ABLIM3: variants seen among roughly 807,000 people sequenced by gnomAD.
The protein encoded by ABLIM3 is actin binding LIM protein family member 3, also known as actin-binding LIM protein 3.
ABLIM3 carries 61 observed loss-of-function variants against 109.5 expected under a neutral mutation model. That is an observed-to-expected ratio of 0.56 (90% CI 0.45 to 0.69). The LOEUF (loss-of-function observed/expected upper bound fraction) is 0.69, where lower values mean the gene tolerates loss of function less well. ABLIM3 is among the 30% of genes least tolerant of loss of function. The pLI, the probability that ABLIM3 is intolerant of heterozygous loss-of-function variation, is 0.00. For missense variants in ABLIM3, 796 were observed against 889.5 expected (o/e 0.89, Z 1.34); for synonymous variants, 300 against 324.8 (o/e 0.92, Z 0.82).
intron 3 of ABLIM3, among the ~76,000 whole-genome samples, chr5:149,196,617 A>C (rs1326291799): frequency 1.3e-5 from 2 of 152,202 alleles, no homozygotes; most frequent in African/African-American, 4.8e-5. Flanking sequence ...GAACCAGGGG[A>C]GCTGGTGACA....
intron 2 of ABLIM3, among the ~76,000 whole-genome samples, chr5:149,172,669 C>A (rs1189226823): frequency 6.6e-6 from 1 of 152,198 alleles, no homozygotes; most frequent in African/African-American, 2.4e-5. Context: ...CTCCTTGGAA[C>A]TTTGACCTAT....
intron 23 of ABLIM3, among the ~76,000 whole-genome samples, chr5:149,253,182 C>T (rs1282168453): frequency 6.6e-6 from 1 of 152,204 alleles, no homozygotes; most frequent in Non-Finnish European, 1.5e-5. Context: ...GCCAATGCTT[C>T]TGCAGAATTG....
intron 8 of ABLIM3, among the ~76,000 whole-genome samples, chr5:149,226,635 AC>A (rs1761313104): frequency 6.6e-6 from 1 of 152,098 alleles, no homozygotes; most frequent in South Asian, 2.1e-4. Context: ...GTATCTAAAA[AC>A]CTTCAGACTC....
At chr5:149,173,882 C>T (rs909326244) in intron 2 of ABLIM3, among the ~76,000 whole-genome samples, 12 of 151,910 alleles carry the variant, frequency 7.9e-5, no homozygotes, top group Non-Finnish European at 1.3e-4. Context: ...ATTAGCCGGA[C>T]GTCGTGGCGG....
At chr5:149,214,287 C>CCATCTTGG (rs1351533024) in intron 7 of ABLIM3, among the ~76,000 whole-genome samples, 1 of 152,212 alleles carries the variant, frequency 6.6e-6, no homozygotes, top group Non-Finnish European at 1.5e-5. Context: ...GAATCCCCAG[C>CCATCTTGG]CATCTTGGCT....
In ABLIM3 at chr5:149,259,021, C is replaced by T. The variant is rs1754687593; in HGVS notation, c.*617C>T. 1 of 1,000,356 alleles carries T rather than the reference C, an allele frequency of 1.0e-6. No homozygotes were observed. 62.0% of individuals were successfully genotyped at this position (1,000,356 alleles called of 1,614,324 possible). A position where few individuals can be genotyped will look rare whatever the true frequency, so the allele number is the denominator to read the frequency against. The stretch of plus-strand genomic sequence containing the variant: ...CTCTCCTCAGCTCCTTAACCCTCCT[C>T]CTTCTGCCCTGGATTGTAACCTCTC... On this transcript the variant is annotated 3_prime_UTR_variant, in exon 24 of 24. Transcript: ENST00000309868.
chr5:149,200,198 C>T lies in ABLIM3; in HGVS notation c.336-118C>T, dbSNP rs1267275575. On this transcript the variant is annotated intron_variant, in intron 4 of 23. Coordinates refer to ENST00000309868, the MANE Select transcript of ABLIM3 (RefSeq NM_014945.5). The stretch of plus-strand genomic sequence containing the variant: ...TCACTGTGAACAGCATTTGAATTTG[C>T]GTGGTGCTCTAGAAGTCAAGCTGTA... The T allele has an allele frequency of 8.7e-6, 7 of 802,482 alleles. No homozygotes were observed. The African/African-American group carries it at 1.2e-4, about 14-fold the overall frequency. The allele number at this position is 802,482 out of a possible 1,614,324, so 49.7% of individuals were successfully genotyped here. A position where few individuals can be genotyped will look rare whatever the true frequency, so the allele number is the denominator to read the frequency against.
intron 3 of ABLIM3, among the ~76,000 whole-genome samples, chr5:149,192,618 C>T (rs1160099285): frequency 6.9e-6 from 1 of 144,136 alleles, no homozygotes; most frequent in Non-Finnish European, 1.5e-5. Context: ...GAGCGAGACT[C>T]CGTCTCAAAA....
Position 149,207,052 on chromosome 5 carries a change from C to T in ABLIM3, c.493C>T (p.Leu165=), listed in dbSNP as rs1218248747. ...GGAGATCAAGCACGGCCAGTCACTC[C>T]TGGCTCTGGACAAGCAGTGGCACGT... ...KEEIKHGQSL[L]ALDKQWHVSC... is the part of the protein sequence containing the mutation. Residue 165 remains leucine (L), a synonymous_variant, in exon 6 of 24, where the codon CTG becomes TTG. Transcript: ENST00000309868. 2 of 1,613,938 alleles carry T rather than the reference C, an allele frequency of 1.2e-6. No homozygotes were observed. Among genetic ancestry groups the T allele is most frequent in the Non-Finnish European group, 1.7e-6 (2 of 1,179,994 alleles).
chr5:149,217,214 G>T, intron 8 of ABLIM3, 168 bp downstream of exon 8: 1 of 657,556 alleles, frequency 1.5e-6, no homozygotes. Context: ...GATTGGGAAG[G>T]TTGCCGGTGT....
At chr5:149,210,314 C>T (rs954681615) in intron 6 of ABLIM3, among the ~76,000 whole-genome samples, 3 of 152,182 alleles carry the variant, frequency 2.0e-5, no homozygotes, top group African/African-American at 4.8e-5. Flanking sequence ...CTAAAGTGTG[C>T]TATGCTTAGG....
chr5:149,194,648 C>T (rs1221193792), intron 3 of ABLIM3, among the ~76,000 whole-genome samples: 6 of 152,164 alleles, frequency 3.9e-5, no homozygotes. Context: ...AATCTCAACA[C>T]ACAATACTCA....
intron 10 of ABLIM3, among the ~76,000 whole-genome samples, chr5:149,235,617 G>A (rs145809732): frequency 3.9e-4 from 60 of 152,336 alleles, no homozygotes; most frequent in Middle Eastern, 6.8e-3. Context: ...GTTATGGGTC[G>A]AGATGAGTTT....
chr5:149,174,420 C>T (rs549921793), intron 2 of ABLIM3: 3 of 152,284 alleles, frequency 2.0e-5, no homozygotes, highest in East Asian at 1.9e-4. Flanking sequence ...TGATGGCCTG[C>T]CAGCATCTCA....
rs917107411 is a variant in ABLIM3, at chr5:149,226,546, G to A, written c.758-4103G>A. Among the ~76,000 whole-genome samples, 10 of 152,264 alleles carry A rather than the reference G, an allele frequency of 6.6e-5. No homozygotes were observed. In the South Asian group the frequency reaches 1.7e-3, roughly 25 times the overall value. The stretch of plus-strand genomic sequence containing the variant: ...AGAGAATGCCCTAGCTAGGGTCAAG[G>A]CCAAAAACTCCAATGCCCACGTCAA... On this transcript the variant is annotated intron_variant, in intron 8 of 23. Coordinates refer to ENST00000309868, the MANE Select transcript of ABLIM3 (RefSeq NM_014945.5).
chr5:149,198,511 A>G lies in ABLIM3; in HGVS notation c.335+109A>G. ...GGGGTTTACAAGGTTTGTGCTGCACATTTAGATTTCTGGAACCTCAGGTGT... is the reference window on the plus strand; with the variant it reads ...GGGGTTTACAAGGTTTGTGCTGCACGTTTAGATTTCTGGAACCTCAGGTGT... On this transcript the variant is annotated intron_variant, in intron 4 of 23. Coordinates refer to ENST00000309868, the MANE Select transcript of ABLIM3 (RefSeq NM_014945.5). The surrounding 1 kb of genome is among the most constrained non-coding windows in gnomAD (Gnocchi z 4.2). The G allele has an allele frequency of 1.5e-6, 2 of 1,347,744 alleles. No individual in the cohort carries two copies. The highest frequency in any genetic ancestry group is 2.0e-6 in the Non-Finnish European group (2 of 1,010,132). The allele number at this position is 1,347,744 out of a possible 1,614,324, so 83.5% of individuals were successfully genotyped here. A position where few individuals can be genotyped will look rare whatever the true frequency, so the allele number is the denominator to read the frequency against.
chr5:149,207,835 G>A (rs907981246), intron 6 of ABLIM3, among the ~76,000 whole-genome samples: 1 of 152,176 alleles, frequency 6.6e-6, no homozygotes, highest in Non-Finnish European at 1.5e-5. Flanking sequence ...TATCCAGAGG[G>A]GCCAACCTCC....
intron 5 of ABLIM3, among the ~76,000 whole-genome samples, chr5:149,203,301 C>G (rs1189500282): frequency 7.4e-6 from 1 of 134,994 alleles, no homozygotes; most frequent in African/African-American, 2.9e-5. Context: ...TCCCCACCAC[C>G]ACTACCTCCA....
At chr5:149,230,852 C>A in intron 9 of ABLIM3, 145 bp downstream of exon 9, 1 of 894,916 alleles carries the variant, frequency 1.1e-6, no homozygotes, top group Non-Finnish European at 1.8e-6. Context: ...ATTTTCCTAA[C>A]GGTAACACCT....
Sources: allele counts gnomAD v4.1 joint callset (sites outside exome capture counted in the v4.1 genomes callset), GRCh38; gene constraint gnomAD v4.1.1; non-coding constraint Gnocchi (gnomAD v3.1); transcripts MANE v1.5; gene names NCBI Gene and HGNC (gene_info 2026-07-23, HGNC 2026-07-21).